The following ADAMTS3 variants were observed in gnomAD, a reference collection of about 807,000 sequenced individuals.
ADAMTS3 encodes ADAM metallopeptidase with thrombospondin type 1 motif 3.
ADAMTS3 carries 73 observed loss-of-function variants against 129.0 expected under a neutral mutation model. The observed-to-expected ratio is 0.57, with a 90% CI of 0.47 to 0.69. The LOEUF is 0.69. Among genes scored for constraint, ADAMTS3 ranks in the 30% least tolerant of loss-of-function variants. The probability of loss-of-function intolerance (pLI) is 0.00; values close to 1 mark genes in which losing one functional copy is unlikely to be tolerated. For synonymous variants in ADAMTS3, 477 were observed against 510.8 expected (o/e 0.93, Z 0.89); for missense variants, 1,457 against 1,514.5 (o/e 0.96, Z 0.63).
chr4:72,496,624 A>C (rs1719879102), intron 3 of ADAMTS3, among the ~76,000 whole-genome samples: 1 of 152,144 alleles, frequency 6.6e-6, no homozygotes, highest in South Asian at 2.1e-4. Flanking sequence ...AATACAGCTT[A>C]GTGTCAGAAG....
chr4:72,506,790 A>G (rs1720169968), intron 3 of ADAMTS3, among the ~76,000 whole-genome samples: 1 of 152,176 alleles, frequency 6.6e-6, no homozygotes, highest in Non-Finnish European at 1.5e-5. Context: ...ACTCACTTTT[A>G]TCAGCCAGTC....
intron 4 of ADAMTS3, among the ~76,000 whole-genome samples, chr4:72,358,893 C>T (rs1720649095): frequency 6.6e-6 from 1 of 151,850 alleles, no homozygotes; most frequent in Non-Finnish European, 1.5e-5. Context: ...ATGTGCATTA[C>T]TAAAGCATAG....
chr4:72,510,288 G>A (rs1356242211), intron 3 of ADAMTS3, among the ~76,000 whole-genome samples: 4 of 151,898 alleles, frequency 2.6e-5, no homozygotes, highest in Non-Finnish European at 4.4e-5. Context: ...TCAGACAAGA[G>A]AATGATATAA....
intron 3 of ADAMTS3, among the ~76,000 whole-genome samples, chr4:72,474,888 G>C (rs1020715409): frequency 6.6e-6 from 1 of 151,354 alleles, no homozygotes; most frequent in Non-Finnish European, 1.5e-5. Context: ...TTAGCCGGGC[G>C]TAGTGGCGGG....
intron 3 of ADAMTS3, among the ~76,000 whole-genome samples, chr4:72,495,088 G>C (rs1264833803): frequency 6.6e-6 from 1 of 152,170 alleles, no homozygotes; most frequent in Non-Finnish European, 1.5e-5. Context: ...TGGGACACAG[G>C]TGCCCTTACC....
intron 4 of ADAMTS3, among the ~76,000 whole-genome samples, chr4:72,375,057 T>C (rs545904188): frequency 6.6e-6 from 1 of 152,314 alleles, no homozygotes; most frequent in Non-Finnish European, 1.5e-5. Context: ...ATTTCCTCTC[T>C]ATATATTTCT....
chr4:72,476,904 T>C (rs900830631), intron 3 of ADAMTS3, among the ~76,000 whole-genome samples: 1 of 152,100 alleles, frequency 6.6e-6, no homozygotes, highest in African/African-American at 2.4e-5. Flanking sequence ...CAGGATTTAT[T>C]TAAAATCACA....
intron 4 of ADAMTS3, among the ~76,000 whole-genome samples, chr4:72,402,172 C>A (rs1481217600): frequency 6.6e-6 from 1 of 152,122 alleles, no homozygotes; most frequent in Non-Finnish European, 1.5e-5. Context: ...TCCTTTCTCC[C>A]AGTCATTGTA....
At chr4:72,287,699 G>C (rs1718544464) in intron 21 of ADAMTS3, among the ~76,000 whole-genome samples, 1 of 152,082 alleles carries the variant, frequency 6.6e-6, no homozygotes. Context: ...CAGCTCATCA[G>C]AGACAGAGCA....
intron 4 of ADAMTS3, among the ~76,000 whole-genome samples, chr4:72,414,378 C>A (rs1305112649): frequency 1.2e-5 from 1 of 81,664 alleles, no homozygotes; most frequent in East Asian, 2.8e-4. Flanking sequence ...ATTTTAAAGA[C>A]AAGTGGCATA....
At chr4:72,286,151 A>G (rs2109765264) in intron 21 of ADAMTS3, among the ~76,000 whole-genome samples, 1 of 152,346 alleles carries the variant, frequency 6.6e-6, no homozygotes, top group African/African-American at 2.4e-5. Context: ...TTCTGGCTAA[A>G]GAAGGAGAAT....
intron 21 of ADAMTS3, among the ~76,000 whole-genome samples, chr4:72,286,914 A>G (rs2109766142): frequency 6.6e-6 from 1 of 152,192 alleles, no homozygotes; most frequent in East Asian, 1.9e-4. Context: ...GGAGAAAGAG[A>G]CAGACACAAG....
At position 72,524,757 on chromosome 4, in the gene ADAMTS3, C is replaced by T. The variant is rs1032335240; in HGVS notation, c.504+23721G>A. On this transcript the variant is annotated intron_variant, in intron 3 of 21. Coordinates refer to ENST00000286657, the MANE Select transcript of ADAMTS3 (RefSeq NM_014243.3). ...TTTTCTAAAGTATATAACTGGCATACGCTTCATGAGGTATATGGCAGCCAG... is the reference window on the plus strand; with the variant it reads ...TTTTCTAAAGTATATAACTGGCATATGCTTCATGAGGTATATGGCAGCCAG... Among the ~76,000 whole-genome samples the T allele has an allele frequency of 4.6e-5, 7 of 152,030 alleles. 1 individual carries two copies. The South Asian group carries it at 6.2e-4, about 14-fold the overall frequency.
chr4:72,306,567 T>C (rs192045392), intron 15 of ADAMTS3, among the ~76,000 whole-genome samples: 42 of 152,180 alleles, frequency 2.8e-4, no homozygotes, highest in Non-Finnish European at 5.0e-4. Flanking sequence ...TAAAGCCTTC[T>C]TTATTCTAAA....
intron 2 of ADAMTS3, among the ~76,000 whole-genome samples, chr4:72,561,373 G>A (rs1721899240): frequency 6.6e-6 from 1 of 151,210 alleles, no homozygotes; most frequent in South Asian, 2.1e-4. Flanking sequence ...AAAAGGAAAT[G>A]GGGCCAGTGT....
At chr4:72,530,284 T>C (rs1430532713) in intron 3 of ADAMTS3, among the ~76,000 whole-genome samples, 19 of 82,954 alleles carry the variant, frequency 2.3e-4, no homozygotes, top group Non-Finnish European at 3.1e-4. Flanking sequence ...TAATATATAA[T>C]AACATATAAT....
At chr4:72,533,194 T>C (rs1301175638) in intron 3 of ADAMTS3, among the ~76,000 whole-genome samples, 1 of 152,154 alleles carries the variant, frequency 6.6e-6, no homozygotes, top group Non-Finnish European at 1.5e-5. Flanking sequence ...CTTGTCTAAT[T>C]TTAAATTAAA....
chr4:72,418,928 A>G (rs1722376045), intron 3 of ADAMTS3, among the ~76,000 whole-genome samples: 2 of 151,980 alleles, frequency 1.3e-5, no homozygotes, highest in African/African-American at 2.4e-5. Flanking sequence ...ATTTTGTTCA[A>G]TTTTCTTTTT....
chr4:72,396,916 G>GA, intron 4 of ADAMTS3, among the ~76,000 whole-genome samples: 1 of 152,158 alleles, frequency 6.6e-6, no homozygotes, highest in Non-Finnish European at 1.5e-5. Flanking sequence ...TGGTCATAAT[G>GA]ATCATGAACA....
Sources: allele counts gnomAD v4.1 joint callset (sites outside exome capture counted in the v4.1 genomes callset), GRCh38; gene constraint gnomAD v4.1.1; transcripts MANE v1.5; gene names NCBI Gene and HGNC (gene_info 2026-07-23, HGNC 2026-07-21).